The following PCDHGB5 variants were observed in gnomAD, a reference collection of about 807,000 sequenced individuals.
PCDHGB5 encodes the protein protocadherin gamma-B5.
Under a neutral mutation model 62.9 loss-of-function variants are expected in PCDHGB5, and 48 were observed. That is an observed-to-expected ratio of 0.76 (90% CI 0.61 to 0.97). The LOEUF is 0.97. Ranked by LOEUF, PCDHGB5 falls within the 50% of genes least tolerant of loss-of-function variation. PCDHGB5 has a pLI of 0.00. For synonymous variants in PCDHGB5, 474 were observed against 511.2 expected, an observed-to-expected ratio of 0.93 and a Z score of 0.98; for missense variants, 1,118 against 1,198.6, an observed-to-expected ratio of 0.93 and a Z score of 0.99.
intron 2 of PCDHGB5, among the ~76,000 whole-genome samples, chr5:141,501,620 T>G (rs1393018933): frequency 6.6e-6 from 1 of 152,090 alleles, no homozygotes; most frequent in Non-Finnish European, 1.5e-5. Context: ...GACTCTGGTA[T>G]AGTCTCTCAA....
intron 1 of PCDHGB5, chr5:141,408,352 C>T: frequency 6.2e-7 from 1 of 1,613,918 alleles, no homozygotes; most frequent in South Asian, 1.1e-5. Flanking sequence ...TGGGGAACCT[C>T]GCTAAGGATC....
intron 1 of PCDHGB5, among the ~76,000 whole-genome samples, chr5:141,425,382 G>A (rs1455106607): frequency 1.3e-5 from 2 of 152,208 alleles, no homozygotes; most frequent in African/African-American, 4.8e-5. Context: ...TTGATTCGGA[G>A]GTAGTGATAA....
intron 1 of PCDHGB5, chr5:141,423,279 C>T: frequency 1.9e-6 from 3 of 1,614,032 alleles, no homozygotes; most frequent in Non-Finnish European, 2.5e-6. Flanking sequence ...CTCTGGCTAA[C>T]TCTGAAACCT....
chr5:141,414,311 ACT>A (rs1421551588), intron 1 of PCDHGB5: 5 of 1,613,710 alleles, frequency 3.1e-6, no homozygotes, highest in Non-Finnish European at 4.2e-6. Flanking sequence ...CATGATTTAG[ACT>A]CTGAGCAGAA....
intron 1 of PCDHGB5, chr5:141,441,943 C>CT: frequency 1.2e-5 from 4 of 336,004 alleles, no homozygotes; most frequent in South Asian, 1.1e-4. Flanking sequence ...CTACCACGTG[C>CT]TGCAGGCCAG....
At position 141,432,015 on chromosome 5, in the gene PCDHGB5, A is replaced by G. The variant is rs745405194; in HGVS notation, c.2397+31491A>G. 6.2e-7 allele frequency: 1 copy of G among 1,614,196 alleles called. No individual in the cohort carries two copies. Among genetic ancestry groups the G allele is most frequent in the Admixed American group, 1.7e-5 (1 of 60,032 alleles). On this transcript the variant is annotated intron_variant, in intron 1 of 3. Coordinates refer to ENST00000617380, the MANE Select transcript of PCDHGB5 (RefSeq NM_018925.3). The surrounding 1 kb of genome is among the most constrained non-coding windows in gnomAD (Gnocchi z 6.0). ...GATAGGGAACAGGTTCCTAGCTACA[A>G]CATCACAGTGACCGCCACTGACCGG...
At chr5:141,416,405 T>C (rs948190812) in intron 1 of PCDHGB5, 1 of 152,200 alleles carries the variant, frequency 6.6e-6, no homozygotes, top group Non-Finnish European at 1.5e-5. Context: ...TTTGTCTTTT[T>C]TGTTAAATTT....
intron 1 of PCDHGB5, chr5:141,419,779 GCGCCTGCTAGT>G: frequency 6.2e-7 from 1 of 1,614,064 alleles, no homozygotes; most frequent in Non-Finnish European, 8.5e-7. Flanking sequence ...CGGTCCGCCA[GCGCCTGCTAGT>G]CGCTGTAAGA....
At chr5:141,420,275 G>T in intron 1 of PCDHGB5, 1 of 1,524,576 alleles carries the variant, frequency 6.6e-7, no homozygotes, top group Non-Finnish European at 8.9e-7. Flanking sequence ...TCTTAAACAG[G>T]TAAGTATTTA....
intron 1 of PCDHGB5, among the ~76,000 whole-genome samples, chr5:141,446,280 A>G (rs1011084291): frequency 2.6e-5 from 4 of 152,162 alleles, no homozygotes; most frequent in South Asian, 2.1e-4. Context: ...AATACAATGG[A>G]TAAATGGGGA....
chr5:141,404,333 C>A, intron 1 of PCDHGB5: 3 of 1,613,854 alleles, frequency 1.9e-6, no homozygotes, highest in South Asian at 1.1e-5. Flanking sequence ...CTCAGTCTAC[C>A]TCCCGGAAAA....
At chr5:141,467,285 T>G (rs6870144) in intron 1 of PCDHGB5, among the ~76,000 whole-genome samples, 42,564 of 152,010 alleles carry the variant, frequency 0.28, 6,785 homozygotes, top group African/African-American at 0.45. Context: ...ACTCTTGACC[T>G]CAAGTGATCC....
rs2093659150 is a variant in PCDHGB5 at position 141,398,472 on chromosome 5, C to T, written c.345C>T (p.Asn115=). 1 of 1,606,348 alleles carries T rather than the reference C, an allele frequency of 6.2e-7. No individual in the cohort carries two copies. Among genetic ancestry groups the T allele is most frequent in the Non-Finnish European group, 8.5e-7 (1 of 1,174,150 alleles). ...EFEAVAENPL[N]FYHVNVEIED... ...AGGCTGTTGCTGAAAATCCACTGAA[C>T]TTTTATCACGTGAATGTGGAGATCG... Residue 115 remains asparagine (N), a synonymous_variant, in exon 1 of 4, where the codon AAC becomes AAT. Coordinates refer to ENST00000617380, the MANE Select transcript of PCDHGB5 (RefSeq NM_018925.3).
chr5:141,492,091 C>G (rs930375969), intron 1 of PCDHGB5, among the ~76,000 whole-genome samples: 5 of 152,242 alleles, frequency 3.3e-5, no homozygotes, highest in Non-Finnish European at 5.9e-5. Flanking sequence ...CACGCTTCGC[C>G]GGTCTGTAGA....
At chr5:141,481,795 T>C (rs2154579318) in intron 1 of PCDHGB5, among the ~76,000 whole-genome samples, 1 of 150,244 alleles carries the variant, frequency 6.7e-6, no homozygotes, top group South Asian at 2.1e-4. Context: ...CTACTAAAAA[T>C]ACAAAAATTC....
intron 1 of PCDHGB5, chr5:141,418,959 C>A: frequency 6.2e-7 from 1 of 1,613,976 alleles, no homozygotes; most frequent in East Asian, 2.2e-5. Flanking sequence ...GTGGTTGTTG[C>A]CCTCTTCAAA....
intron 1 of PCDHGB5, among the ~76,000 whole-genome samples, chr5:141,407,155 TG>T (rs1451933301): frequency 1.3e-5 from 2 of 152,232 alleles, no homozygotes; most frequent in Non-Finnish European, 2.9e-5. Flanking sequence ...CTGAAGTGTC[TG>T]GGAATCCTTT....
Position 141,489,680 on chromosome 5 carries a change from C to T in PCDHGB5, c.2398-5127C>T, listed in dbSNP as rs758765306. On this transcript the variant is annotated intron_variant, in intron 1 of 3. Coordinates refer to ENST00000617380, the MANE Select transcript of PCDHGB5 (RefSeq NM_018925.3). This position sits in a 1 kb window ranked among gnomAD's most constrained non-coding sequence, Gnocchi z 4.5. ...GAGATGCGCATCTCAGAATCAGCAG[C>T]ATCTGGGGCACGATTCCCACTGGAC... 2 of 1,614,070 alleles carry T rather than the reference C, an allele frequency of 1.2e-6. No individual in the cohort carries two copies. The highest frequency in any genetic ancestry group is 2.2e-5 in the East Asian group (1 of 44,886).
Position 141,432,295 on chromosome 5 carries a change from G to A in PCDHGB5, c.2397+31771G>A. 6.2e-7 allele frequency: 1 copy of A among 1,614,222 alleles called. No individual in the cohort carries two copies. The highest frequency in any genetic ancestry group is 8.5e-7 in the Non-Finnish European group (1 of 1,180,034). ...ACGTGTCCATCAACTCCGACACTGG[G>A]GTACTGTATGCGCTGAGCTCCTTCG... is the stretch of plus-strand genomic sequence containing the variant. On this transcript the variant is annotated intron_variant, in intron 1 of 3. Coordinates refer to ENST00000617380, the MANE Select transcript of PCDHGB5 (RefSeq NM_018925.3). This position sits in a 1 kb window ranked among gnomAD's most constrained non-coding sequence, Gnocchi z 6.0.
Sources: gnomAD v4.1 joint callset for allele counts (sites outside exome capture counted in the v4.1 genomes callset) on GRCh38, gnomAD v4.1.1 for gene constraint, Gnocchi (gnomAD v3.1) non-coding constraint, MANE v1.5 for transcripts, NCBI Gene and HGNC (gene_info 2026-07-23, HGNC 2026-07-21) for gene names.